ARHGEF37: variants seen among roughly 807,000 people sequenced by gnomAD.
The protein encoded by ARHGEF37 is Rho guanine nucleotide exchange factor 37, also known as Rho guanine nucleotide exchange factor (GEF) 37.
Under a neutral mutation model 71.1 loss-of-function variants are expected in ARHGEF37, and 55 were observed. The observed-to-expected ratio is 0.77, with a 90% CI of 0.62 to 0.97. The LOEUF is 0.97. Among genes scored for constraint, ARHGEF37 ranks in the 50% least tolerant of loss-of-function variants. The pLI is 0.00. For synonymous variants in ARHGEF37, 327 were observed against 350.6 expected (o/e 0.93, Z 0.75); for missense variants, 765 against 836.8 (o/e 0.91, Z 1.06).
chr5:149,599,829 T>G (rs1171355345), intron 2 of ARHGEF37, among the ~76,000 whole-genome samples: 1 of 152,244 alleles, frequency 6.6e-6, no homozygotes, highest in Non-Finnish European at 1.5e-5. Flanking sequence ...AAAATTAGTC[T>G]TTCTTCATTG....
At chr5:149,604,785 C>T (rs4705358) in intron 3 of ARHGEF37, among the ~76,000 whole-genome samples, 42,539 of 148,652 alleles carry the variant, frequency 0.29, 6,770 homozygotes, top group Admixed American at 0.45. Context: ...TGGGTTCAAG[C>T]GATTCTCATG....
chr5:149,616,740 A>G lies in ARHGEF37; in HGVS notation c.632A>G (p.Asn211Ser), dbSNP rs1345727536. 5 of 1,612,666 alleles carry G rather than the reference A, an allele frequency of 3.1e-6. No individual in the cohort carries two copies. Among genetic ancestry groups the G allele is most frequent in the Non-Finnish European group, 3.4e-6 (4 of 1,178,758 alleles). Residue 211 changes from asparagine (N) to serine (S), a missense_variant, in exon 5 of 13, where the codon AAT (asparagine) becomes AGT (serine). Asn to Ser is a conservative substitution (Grantham distance 46). Around this residue, in one of 5 missense-constraint regions of ARHGEF37, gnomAD observed 167 missense variants for 173.3 expected, o/e 0.96. Transcript: ENST00000333677. ...CTCCAGGACGTGAACACCAATATCAATGAGTACAAGATGCGCAAGGAAGTG... is the reference window on the plus strand; with the variant it reads ...CTCCAGGACGTGAACACCAATATCAGTGAGTACAAGATGCGCAAGGAAGTG... ...SALQDVNTNI[N>S]EYKMRKEVAS... is the part of the protein sequence containing the mutation.
intron 1 of ARHGEF37, among the ~76,000 whole-genome samples, chr5:149,567,073 A>G (rs933838060): frequency 6.6e-5 from 10 of 152,180 alleles, no homozygotes; most frequent in African/African-American, 2.2e-4. Flanking sequence ...CCAGGATTCA[A>G]TTCAGGATCA....
At chr5:149,584,209 T>C (rs557317633) in intron 1 of ARHGEF37, among the ~76,000 whole-genome samples, 2 of 152,148 alleles carry the variant, frequency 1.3e-5, no homozygotes, top group African/African-American at 4.8e-5. Flanking sequence ...AAAAAAACTG[T>C]GTTGTCTCCT....
intron 7 of ARHGEF37, among the ~76,000 whole-genome samples, chr5:149,619,470 A>C (rs1752473812): frequency 6.6e-6 from 1 of 152,168 alleles, no homozygotes; most frequent in Non-Finnish European, 1.5e-5. Flanking sequence ...AATATAAAAT[A>C]ATATTTGGAA....
chr5:149,579,823 C>T (rs1763073520), upstream of ARHGEF37, among the ~76,000 whole-genome samples: 1 of 151,986 alleles, frequency 6.6e-6, no homozygotes, highest in African/African-American at 2.4e-5. Context: ...CTCAAGTGAT[C>T]TACCCTCCTT....
Position 149,553,434 on chromosome 5 carries a change from T to TA in ARHGEF37, c.-12+1323dup, listed in dbSNP as rs58190588. 0.017 allele frequency among the ~76,000 whole-genome samples: 2,500 copies of TA among 143,744 alleles called. 263 individuals carry two copies. The East Asian group carries it at 0.32, about 18-fold the overall frequency. The allele number at this position is 143,744 out of a possible 152,430, so 94.3% of individuals were successfully genotyped here. A position where few individuals can be genotyped will look rare whatever the true frequency, so the allele number is the denominator to read the frequency against. On this transcript the variant is annotated intron_variant, in intron 1 of 2. Transcript: ENST00000505810. ...TTAATTAATTAATCAATTCTGGTCT[T>TA]AAAAAAAAAAAAGCCAAGTTTAAGC...
chr5:149,628,746 C>T, intron 11 of ARHGEF37, 63 bp from the exon 12 acceptor site: 1 of 1,516,988 alleles, frequency 6.6e-7, no homozygotes, highest in Non-Finnish European at 8.9e-7. Context: ...CATGGATTTT[C>T]TCCCTCATTA....
At chr5:149,559,285 C>T (rs1762798713) in intron 1 of ARHGEF37, among the ~76,000 whole-genome samples, 1 of 152,202 alleles carries the variant, frequency 6.6e-6, no homozygotes, top group Non-Finnish European at 1.5e-5. Context: ...CACACCACTG[C>T]ACTCCAGCCT....
intron 4 of ARHGEF37, among the ~76,000 whole-genome samples, chr5:149,614,426 T>A (rs1245318042): frequency 6.6e-6 from 1 of 152,150 alleles, no homozygotes; most frequent in Non-Finnish European, 1.5e-5. Flanking sequence ...TCTGAAAAGC[T>A]GCATAAAAAA....
chr5:149,597,878 G>A lies in ARHGEF37; in HGVS notation c.109G>A (p.Glu37Lys), dbSNP rs1763593444. The change falls in exon 2 of 13, where the codon GAG (glutamate) becomes AAG (lysine). Residue 37 changes from glutamate to lysine, a missense_variant. Glu to Lys is a moderately conservative substitution (Grantham distance 56). Coordinates refer to ENST00000333677, the MANE Select transcript of ARHGEF37 (RefSeq NM_001001669.3). ...GCTTCATCAGAGGCTGGCTGTCCGG[G>A]AGCTCATCGACACTGAGGTCTCCTA... Reference protein sequence around the residue: ...SLLHQRLAVRELIDTEVSYLH... With the variant: ...SLLHQRLAVRKLIDTEVSYLH... 6.2e-7 allele frequency: 1 copy of A among 1,609,868 alleles called. No homozygotes were observed.
intron 3 of ARHGEF37, among the ~76,000 whole-genome samples, chr5:149,605,611 C>A (rs1200737280): frequency 6.6e-6 from 1 of 152,190 alleles, no homozygotes; most frequent in Admixed American, 6.5e-5. Flanking sequence ...AAGCTCTTTC[C>A]TTTCTGAGTC....
rs1752619541 is a variant in ARHGEF37, at chr5:149,624,244, T to G, written c.1464+104T>G. ...TCCTTTCCTTTTTGGTCCCCCAATG[T>G]TTCCTGTTATCCATGGAAATATGTT... On this transcript the variant is annotated intron_variant, in intron 10 of 12. Coordinates refer to ENST00000333677, the MANE Select transcript of ARHGEF37 (RefSeq NM_001001669.3). The G allele has an allele frequency of 2.1e-6, 3 of 1,414,304 alleles. No homozygotes were observed. The African/African-American group carries it at 4.3e-5, about 20-fold the overall frequency. 87.6% of individuals were successfully genotyped at this position (1,414,304 alleles called of 1,614,324 possible).
At chr5:149,603,373 G>C (rs1763817990) in intron 3 of ARHGEF37, among the ~76,000 whole-genome samples, 1 of 152,082 alleles carries the variant, frequency 6.6e-6, no homozygotes, top group African/African-American at 2.4e-5. Flanking sequence ...TTACAGTTGA[G>C]GAATCTTTGG....
chr5:149,551,669 C>G (rs1464251961), upstream of ARHGEF37: 1 of 152,312 alleles, frequency 6.6e-6, no homozygotes, highest in Non-Finnish European at 1.5e-5. Flanking sequence ...TGTTACTCGC[C>G]TCGGACCCGC....
chr5:149,553,619 G>T (rs1228869133), intron 1 of ARHGEF37, among the ~76,000 whole-genome samples: 1 of 152,126 alleles, frequency 6.6e-6, no homozygotes, highest in Non-Finnish European at 1.5e-5. Flanking sequence ...TGAAGCCGGG[G>T]GCAGGGTAAG....
In ARHGEF37 at chr5:149,589,684, G is replaced by C. The variant is rs543494847; in HGVS notation, c.-12+8060G>C. ...CTGACTAATTTTTGTATTTTTAGTAGAGACAGGGTTTCACCATGTTTGCCA... is the reference window on the plus strand; with the variant it reads ...CTGACTAATTTTTGTATTTTTAGTACAGACAGGGTTTCACCATGTTTGCCA... On this transcript the variant is annotated intron_variant, in intron 1 of 12. Transcript: ENST00000333677. Among the ~76,000 whole-genome samples the C allele has an allele frequency of 5.9e-5, 9 of 152,186 alleles. 1 individual carries two copies. In the South Asian group the frequency reaches 1.9e-3, roughly 32 times the overall value.
chr5:149,577,468 C>T (rs1763040011), upstream of ARHGEF37, among the ~76,000 whole-genome samples: 1 of 152,186 alleles, frequency 6.6e-6, no homozygotes, highest in African/African-American at 2.4e-5. Flanking sequence ...GCACAACTTA[C>T]CTCTTTCTTC....
In ARHGEF37 at chr5:149,602,202, G is replaced by A. The variant is rs186133017; in HGVS notation, c.310+971G>A. On this transcript the variant is annotated intron_variant, in intron 3 of 12. Transcript: ENST00000333677. ...CTCCCGAGTAGCTGAGACTACAAGC[G>A]TGCGCCACCATGCCTGGTTACTTTT... Among the ~76,000 whole-genome samples the A allele has an allele frequency of 7.3e-3, 1,107 of 151,822 alleles. 15 individuals are homozygous for A. Among genetic ancestry groups the A allele is most frequent in the African/African-American group, 0.026 (1,066 of 41,392 alleles).
Sources: allele counts gnomAD v4.1 joint callset (sites outside exome capture counted in the v4.1 genomes callset), GRCh38; gene constraint gnomAD v4.1.1; regional missense constraint gnomAD v4.1.1; transcripts MANE v1.5; gene names NCBI Gene and HGNC (gene_info 2026-07-23, HGNC 2026-07-21).